PCDHGA3: variants seen among roughly 807,000 people sequenced by gnomAD.
The protein encoded by PCDHGA3 is protocadherin gamma-A3.
A neutral mutation model predicts 58.5 loss-of-function variants in PCDHGA3; 40 were observed. The observed-to-expected ratio is 0.68, with a 90% CI of 0.53 to 0.89. PCDHGA3 has a LOEUF of 0.89. Among genes scored for constraint, PCDHGA3 ranks in the 40% least tolerant of loss-of-function variants. PCDHGA3 has a pLI of 0.00. For synonymous variants in PCDHGA3, 530 were observed against 525.7 expected, an observed-to-expected ratio of 1.01 and a Z score of -0.11; for missense variants, 1,223 against 1,195.9, an observed-to-expected ratio of 1.02 and a Z score of -0.33.
chr5:141,373,366 A>T (rs1309577062), intron 1 of PCDHGA3, among the ~76,000 whole-genome samples: 1 of 152,214 alleles, frequency 6.6e-6, no homozygotes, highest in Non-Finnish European at 1.5e-5. Context: ...ACTGTAATGA[A>T]TTGGTTCAAA....
intron 1 of PCDHGA3, among the ~76,000 whole-genome samples, chr5:141,467,735 C>T (rs557555571): frequency 3.3e-5 from 5 of 152,182 alleles, no homozygotes; most frequent in East Asian, 3.9e-4. Flanking sequence ...AATCCCAGCT[C>T]GCTGCAACCT....
At chr5:141,443,790 T>A (rs1178101439) in intron 1 of PCDHGA3, among the ~76,000 whole-genome samples, 2 of 151,832 alleles carry the variant, frequency 1.3e-5, no homozygotes, top group Admixed American at 6.6e-5. Flanking sequence ...ACAAAAAAAA[T>A]GAAAAGGAAA....
chr5:141,508,550 G>T (rs1440375100), intron 3 of PCDHGA3, among the ~76,000 whole-genome samples: 3 of 152,138 alleles, frequency 2.0e-5, no homozygotes, highest in Non-Finnish European at 1.5e-5. Flanking sequence ...GGTGGGCGGG[G>T]GATGGCTTTG....
At chr5:141,482,530 CAAAAAAAAA>C (rs3074545) in intron 1 of PCDHGA3, among the ~76,000 whole-genome samples, 16 of 76,560 alleles carry the variant, frequency 2.1e-4, no homozygotes, top group African/African-American at 7.7e-4. Context: ...GACAGACATG[CAAAAAAAAA>C]AAAAAAAAAA....
Position 141,491,197 on chromosome 5 carries a change from G to A in PCDHGA3, c.2425-3610G>A. Reference sequence around the variant, plus strand: ...GGTGGTCCTGGTGAGGGACAATGGTGACCCTTCACTCTCCTCCACAGCCAC... The same window carrying A: ...GGTGGTCCTGGTGAGGGACAATGGTAACCCTTCACTCTCCTCCACAGCCAC... On this transcript the variant is annotated intron_variant, in intron 1 of 3. Coordinates refer to ENST00000253812, the MANE Select transcript of PCDHGA3 (RefSeq NM_018916.4). The surrounding 1 kb of genome is among the most constrained non-coding windows in gnomAD (Gnocchi z 6.9). 6.2e-7 allele frequency: 1 copy of A among 1,614,190 alleles called. No individual in the cohort carries two copies. The highest frequency in any genetic ancestry group is 8.5e-7 in the Non-Finnish European group (1 of 1,180,024).
rs748223478 is a variant in PCDHGA3 at position 141,415,687 on chromosome 5, G to T, written c.2424+69230G>T. ...TTACTTTGAAGTTTGCGGCATGATG[G>T]TGGAAAGTGTAAATGCTAAAACACT... On this transcript the variant is annotated intron_variant, in intron 1 of 3. Coordinates refer to ENST00000253812, the MANE Select transcript of PCDHGA3 (RefSeq NM_018916.4). 1.1e-5 allele frequency: 17 copies of T among 1,535,300 alleles called. No individual in the cohort carries two copies. In the South Asian group the frequency reaches 1.3e-4, roughly 12 times the overall value.
intron 1 of PCDHGA3, chr5:141,409,285 T>G (rs773096828): frequency 6.2e-7 from 1 of 1,613,966 alleles, no homozygotes; most frequent in South Asian, 1.1e-5. Context: ...AGAATTCACC[T>G]CCAGGAATGG....
intron 1 of PCDHGA3, chr5:141,400,533 C>A (rs1416453682): frequency 6.2e-7 from 1 of 1,613,900 alleles, no homozygotes; most frequent in Non-Finnish European, 8.5e-7. Context: ...TGGTGAGTTT[C>A]ATTTATGTCT....
chr5:141,407,971 G>A, intron 1 of PCDHGA3: 2 of 717,762 alleles, frequency 2.8e-6, no homozygotes, highest in South Asian at 2.3e-5. Flanking sequence ...AAGCGCTGAC[G>A]CCGGGGATCC....
chr5:141,471,568 A>G (rs947450908), intron 1 of PCDHGA3: 3 of 152,214 alleles, frequency 2.0e-5, no homozygotes, highest in Non-Finnish European at 2.9e-5. Context: ...CAGGGGTAGC[A>G]GTAGATAGGG....
chr5:141,448,439 C>T (rs182359185), intron 1 of PCDHGA3, among the ~76,000 whole-genome samples: 7 of 152,232 alleles, frequency 4.6e-5, no homozygotes, highest in Admixed American at 4.6e-4. Context: ...ATTGAGAAGT[C>T]TGACTTCCAT....
At chr5:141,419,585 G>C (rs2096403161) in intron 1 of PCDHGA3, 8 of 1,611,776 alleles carry the variant, frequency 5.0e-6, no homozygotes, top group Non-Finnish European at 6.8e-6. Flanking sequence ...CGCGCTCTTC[G>C]ACACAGTGCC....
rs759654962 is a variant in PCDHGA3 at position 141,345,571 on chromosome 5, T to C, written c.1538T>C (p.Val513Ala). Residue 513 changes from valine (V) to alanine (A), a missense_variant, in exon 1 of 4, where the codon GTC becomes GCC. Physicochemically the swap from Val to Ala is moderately conservative, Grantham distance 64. Around this residue, in one of 3 missense-constraint regions of PCDHGA3, gnomAD observed 791 missense variants for 708.5 expected, o/e 1.12. Transcript: ENST00000253812. ...GTCTCTATCAACTCCAACACTGGCG[T>C]CCTATACGCGCTGAGATCCTTCGAC... ...SFVSINSNTG[V>A]LYALRSFDYE... The C allele has an allele frequency of 1.9e-6, 3 of 1,614,126 alleles. No homozygotes were observed. The highest frequency in any genetic ancestry group is 2.2e-5 in the South Asian group (2 of 91,074).
intron 1 of PCDHGA3, chr5:141,408,651 C>T (rs373860648): frequency 6.2e-7 from 1 of 1,614,012 alleles, no homozygotes; most frequent in Non-Finnish European, 8.5e-7. Flanking sequence ...TCCGCTGGTA[C>T]ACGACTATCG....
chr5:141,500,493 G>A (rs1239876467), intron 2 of PCDHGA3, among the ~76,000 whole-genome samples: 1 of 152,166 alleles, frequency 6.6e-6, no homozygotes, highest in Admixed American at 6.5e-5. Context: ...ACAGGCGTGA[G>A]CCACCGCGCC....
Position 141,421,742 on chromosome 5 carries a change from A to G in PCDHGA3, c.2425-73065A>G, listed in dbSNP as rs772984365. The stretch of plus-strand genomic sequence containing the variant: ...GGCGTGAACTCCCTCCAGAGCTACC[A>G]GCTCAGCCCTAATAATTACTTTTCC... On this transcript the variant is annotated intron_variant, in intron 1 of 3. Transcript: ENST00000253812. The G allele has an allele frequency of 4.3e-6, 7 of 1,613,826 alleles. No individual in the cohort carries two copies. The East Asian group carries it at 1.3e-4, about 31-fold the overall frequency.
chr5:141,475,708 C>G (rs2099367415), intron 1 of PCDHGA3, among the ~76,000 whole-genome samples: 1 of 152,238 alleles, frequency 6.6e-6, no homozygotes, highest in African/African-American at 2.4e-5. Flanking sequence ...AACGGCTAGC[C>G]TCACAGCCCC....
In PCDHGA3 at chr5:141,410,160, C is replaced by T. The variant is rs767993789; in HGVS notation, c.2424+63703C>T. ...GCTGTGCGTGACGGTGGACAGCCGC[C>T]ACTCTCTGCCACCGCCACGCTTCAT... On this transcript the variant is annotated intron_variant, in intron 1 of 3. Transcript: ENST00000253812. 100 of 1,613,580 alleles carry T rather than the reference C, an allele frequency of 6.2e-5. No individual in the cohort carries two copies. In the Middle Eastern group the frequency reaches 2.1e-3, roughly 34 times the overall value.
At chr5:141,467,939 A>G (rs2099154812) in intron 1 of PCDHGA3, among the ~76,000 whole-genome samples, 2 of 152,190 alleles carry the variant, frequency 1.3e-5, no homozygotes, top group Admixed American at 6.5e-5. Context: ...GATTACAAGC[A>G]TGAGCCACCA....
Sources: gnomAD v4.1 joint callset for allele counts (sites outside exome capture counted in the v4.1 genomes callset) on GRCh38, gnomAD v4.1.1 for gene constraint, gnomAD v4.1.1 regional missense constraint, Gnocchi (gnomAD v3.1) non-coding constraint, MANE v1.5 for transcripts, NCBI Gene and HGNC (gene_info 2026-07-23, HGNC 2026-07-21) for gene names.